The following MYO5B variants were observed in gnomAD, a reference collection of about 807,000 sequenced individuals.
MYO5B encodes unconventional myosin-Vb.
In MYO5B, 143 loss-of-function variants were observed where a neutral mutation model predicts 229.3. The ratio of observed to expected loss-of-function variants is 0.62; its 90% CI spans 0.54 to 0.72. MYO5B has a LOEUF of 0.72. MYO5B is among the 30% of genes least tolerant of loss of function. The pLI is 0.00. For synonymous variants in MYO5B, 918 were observed against 885.2 expected (o/e 1.04, Z -0.66); for missense variants, 2,321 against 2,331.0 (o/e 1.00, Z 0.09).
chr18:50,122,943 T>C (rs747964465), intron 1 of MYO5B, among the ~76,000 whole-genome samples: 1 of 152,196 alleles, frequency 6.6e-6, no homozygotes, highest in Non-Finnish European at 1.5e-5. Flanking sequence ...AGAATTACCA[T>C]GTGATCTAGC....
chr18:49,938,312 G>A (rs957942468), intron 14 of MYO5B, among the ~76,000 whole-genome samples: 8 of 152,116 alleles, frequency 5.3e-5, no homozygotes, highest in Non-Finnish European at 7.3e-5. Context: ...TGGATGAGGC[G>A]CTGGTGACAG....
chr18:50,176,833 T>C (rs1052142705), intron 1 of MYO5B, among the ~76,000 whole-genome samples: 2 of 152,214 alleles, frequency 1.3e-5, no homozygotes, highest in Admixed American at 6.5e-5. Context: ...CTTTTTTTGC[T>C]CCCATAAGAC....
intron 1 of MYO5B, among the ~76,000 whole-genome samples, chr18:50,174,672 G>A (rs941659619): frequency 6.6e-6 from 1 of 152,212 alleles, no homozygotes; most frequent in African/African-American, 2.4e-5. Flanking sequence ...GCCATCGTGA[G>A]TTCCTTCAAG....
chr18:50,160,617 C>T (rs916001101), intron 1 of MYO5B, among the ~76,000 whole-genome samples: 2 of 152,100 alleles, frequency 1.3e-5, no homozygotes, highest in African/African-American at 2.4e-5. Flanking sequence ...ATGTGAACAC[C>T]TCCAGCAATG....
At chr18:49,927,055 G>A (rs1316038486) in intron 17 of MYO5B, among the ~76,000 whole-genome samples, 1 of 152,198 alleles carries the variant, frequency 6.6e-6, no homozygotes, top group East Asian at 1.9e-4. Flanking sequence ...TTTCAGTTTT[G>A]CAAGATGAAA....
chr18:49,947,176 G>A (rs1204528310), intron 14 of MYO5B, among the ~76,000 whole-genome samples: 1 of 138,606 alleles, frequency 7.2e-6, no homozygotes, highest in East Asian at 2.1e-4. Context: ...CACGATCTCA[G>A]CTCACTGCAA....
At chr18:49,920,703 C>T (rs2025064443) in intron 17 of MYO5B, among the ~76,000 whole-genome samples, 1 of 152,188 alleles carries the variant, frequency 6.6e-6, no homozygotes, top group Non-Finnish European at 1.5e-5. Flanking sequence ...ACCCAGGGGG[C>T]AACACATGCC....
intron 1 of MYO5B, among the ~76,000 whole-genome samples, chr18:50,057,633 C>A (rs2030583375): frequency 6.6e-6 from 1 of 152,072 alleles, no homozygotes; most frequent in African/African-American, 2.4e-5. Flanking sequence ...AGTTCATGTA[C>A]CTTTCTAGTT....
In MYO5B at chr18:49,847,227, G is replaced by T; in HGVS notation, c.4378C>A (p.Gln1460Lys). 6.2e-7 allele frequency: 1 copy of T among 1,614,136 alleles called. No individual in the cohort carries two copies. The highest frequency in any genetic ancestry group is 8.5e-7 in the Non-Finnish European group (1 of 1,180,040). The change falls in exon 33 of 40, where the codon CAG becomes AAG. Residue 1460 changes from glutamine to lysine, a missense_variant. By Grantham distance (53) the Gln-to-Lys change is moderately conservative (BLOSUM62 1). This residue lies in a region of MYO5B where 2,113 missense variants were observed against 2,044.7 expected (regional missense o/e 1.03). Transcript: ENST00000285039. ...CCCTGGAAATCCTTCTCTTTCCGCT[G>T]GACCGTGACCTGCCTGTTGAGCTCA... Reference protein sequence around the residue: ...RHELNRQVTVQRKEKDFQGML... With the variant: ...RHELNRQVTVKRKEKDFQGML...
intron 2 of MYO5B, among the ~76,000 whole-genome samples, chr18:50,043,412 A>AATATTAAAT (rs2030103926): frequency 1.9e-5 from 1 of 53,574 alleles, no homozygotes; most frequent in Non-Finnish European, 3.7e-5. Context: ...TTAAATATTA[A>AATATTAAAT]ATATTTAAAT....
chr18:49,998,628 G>T (rs189033755), intron 5 of MYO5B, among the ~76,000 whole-genome samples: 69 of 152,222 alleles, frequency 4.5e-4, no homozygotes, highest in African/African-American at 1.6e-3. Flanking sequence ...ATACCCAAAA[G>T]GTAGAAGAAT....
intron 2 of MYO5B, among the ~76,000 whole-genome samples, chr18:50,044,135 C>G (rs73444792): frequency 0.011 from 1,617 of 152,162 alleles, 31 homozygotes; most frequent in African/African-American, 0.037. Flanking sequence ...TTCAGTAAAA[C>G]TGATAAGGAG....
At chr18:50,157,494 C>T (rs2032699266) in intron 1 of MYO5B, among the ~76,000 whole-genome samples, 1 of 152,180 alleles carries the variant, frequency 6.6e-6, no homozygotes, top group African/African-American at 2.4e-5. Flanking sequence ...TCCCTTTGAC[C>T]TTTCTTCCAG....
At chr18:49,875,063 A>G (rs1352745360) in intron 26 of MYO5B, among the ~76,000 whole-genome samples, 2 of 152,196 alleles carry the variant, frequency 1.3e-5, no homozygotes, top group African/African-American at 4.8e-5. Context: ...CTGTCCTTTA[A>G]TGAACATTTT....
chr18:50,119,950 C>T (rs949187), intron 1 of MYO5B, among the ~76,000 whole-genome samples: 149,163 of 152,256 alleles, frequency 0.98, 73,145 homozygotes, highest in East Asian at 1. Flanking sequence ...AGGGGCAGCC[C>T]TCTCATAGCT....
chr18:49,917,462 AAAACGTTTACTCCAGACCATGGTTTGT>A (rs11267229), intron 17 of MYO5B, among the ~76,000 whole-genome samples: 77,783 of 151,420 alleles, frequency 0.51, 20,643 homozygotes, highest in Middle Eastern at 0.61. Flanking sequence ...AAATGTTTGT[AAAACGTTTACTCCAGACCATGGTTTGT>A]AAACGTTTAC....
At chr18:49,923,262 T>C (rs1432137287) in intron 17 of MYO5B, among the ~76,000 whole-genome samples, 3 of 152,224 alleles carry the variant, frequency 2.0e-5, no homozygotes, top group Admixed American at 6.5e-5. Context: ...TCTGGTTATA[T>C]GTTGTTCTGT....
chr18:50,002,269 C>T (rs1375852195), intron 4 of MYO5B, among the ~76,000 whole-genome samples: 2 of 152,122 alleles, frequency 1.3e-5, no homozygotes, highest in Admixed American at 1.3e-4. Flanking sequence ...AATAATCTTG[C>T]CTCAAGTTTC....
chr18:50,053,353 G>A (rs961300195), intron 2 of MYO5B, among the ~76,000 whole-genome samples: 9 of 152,164 alleles, frequency 5.9e-5, no homozygotes, highest in African/African-American at 1.9e-4. Context: ...GGCCAAATTC[G>A]TTTTCAGCAG....
Sources: allele counts gnomAD v4.1 joint callset (sites outside exome capture counted in the v4.1 genomes callset), GRCh38; gene constraint gnomAD v4.1.1; regional missense constraint gnomAD v4.1.1; transcripts MANE v1.5; gene names NCBI Gene and HGNC (gene_info 2026-07-23, HGNC 2026-07-21).